Variants in NETO1 observed in about 807,000 individuals in gnomAD.
NETO1 encodes the protein neuropilin and tolloid-like protein 1.
A neutral mutation model predicts 61.3 loss-of-function variants in NETO1; 26 were observed. The ratio of observed to expected loss-of-function variants is 0.42; its 90% CI spans 0.31 to 0.59. NETO1 has a LOEUF of 0.59. NETO1 is among the 20% of genes least tolerant of loss of function. The pLI is 0.12. For missense variants in NETO1, 531 were observed against 662.8 expected, an observed-to-expected ratio of 0.80 and a Z score of 2.18; for synonymous variants, 225 against 225.8, an observed-to-expected ratio of 1.00 and a Z score of 0.03.
chr18:72,812,087 T>TA lies in NETO1; in HGVS notation c.470-17684dup, dbSNP rs142501123. Among the ~76,000 whole-genome samples, 302 of 152,306 alleles carry TA rather than the reference T, an allele frequency of 2.0e-3. 2 individuals are homozygous for TA. Among genetic ancestry groups the TA allele is most frequent in the East Asian group, 0.013 (67 of 5,182 alleles). On this transcript the variant is annotated intron_variant, in intron 4 of 10. Coordinates refer to ENST00000327305, the MANE Select transcript of NETO1 (RefSeq NM_138966.5). The stretch of plus-strand genomic sequence containing the variant: ...ATCTTCATTGAGGAACAACTGTGGG[T>TA]AAAACTTCCCTACATTCACTGTATG...
chr18:72,766,840 T>C (rs2071182193), intron 7 of NETO1, among the ~76,000 whole-genome samples: 1 of 152,242 alleles, frequency 6.6e-6, no homozygotes, highest in Non-Finnish European at 1.5e-5. Context: ...AATGTATCCA[T>C]TATTTTATCT....
chr18:72,853,589 C>T (rs1351408721), intron 4 of NETO1, among the ~76,000 whole-genome samples: 1 of 151,928 alleles, frequency 6.6e-6, no homozygotes, highest in East Asian at 1.9e-4. Flanking sequence ...GAAATCCCAT[C>T]TCTACCAAAA....
At chr18:72,758,537 GTTAAGAAGCA>G in intron 7 of NETO1, among the ~76,000 whole-genome samples, 1 of 152,148 alleles carries the variant, frequency 6.6e-6, no homozygotes, top group East Asian at 1.9e-4. Flanking sequence ...TCCTGATATG[GTTAAGAAGCA>G]ATGTAGAGGC....
Position 72,756,128 on chromosome 18 carries a change from T to C in NETO1, c.888A>G (p.Thr296=). 6.2e-7 allele frequency: 1 copy of C among 1,601,222 alleles called. No individual in the cohort carries two copies. Among genetic ancestry groups the C allele is most frequent in the Non-Finnish European group, 8.5e-7 (1 of 1,169,686 alleles). Residue 296 remains threonine, a synonymous_variant, in exon 8 of 11, where the codon ACA becomes ACG. Transcript: ENST00000327305. The stretch of plus-strand genomic sequence containing the variant: ...TACACATGTTACTATGGCAGAAGAA[T>C]GTGTTGCCTTCACAAGGAGCTAAAA... ...SFQEPPCEGN[T]FFCHSNMCIN...
chr18:72,849,658 T>C (rs1318903607), intron 4 of NETO1, among the ~76,000 whole-genome samples: 1 of 152,244 alleles, frequency 6.6e-6, no homozygotes, highest in East Asian at 1.9e-4. Context: ...TAAAATCAAG[T>C]ATTTGTTTCT....
chr18:72,801,656 T>C (rs924363512), intron 4 of NETO1, among the ~76,000 whole-genome samples: 1 of 152,218 alleles, frequency 6.6e-6, no homozygotes, highest in Non-Finnish European at 1.5e-5. Flanking sequence ...TTCTTAAACT[T>C]CAAAATGTTT....
intron 8 of NETO1, 145 bp from the exon 9 acceptor site, chr18:72,750,765 G>A: frequency 3.8e-5 from 21 of 553,036 alleles, no homozygotes; most frequent in South Asian, 2.0e-4. Context: ...AATAACTTAA[G>A]AAAATATTTA....
At position 72,832,537 on chromosome 18, in the gene NETO1, C is replaced by T. The variant is rs139393556; in HGVS notation, c.469+26289G>A. Among the ~76,000 whole-genome samples the T allele has an allele frequency of 1.7e-3, 265 of 152,192 alleles. 1 individual carries two copies. The highest frequency in any genetic ancestry group is 1.5e-3 in the Non-Finnish European group (101 of 67,982). On this transcript the variant is annotated intron_variant, in intron 4 of 10. Coordinates refer to ENST00000327305, the MANE Select transcript of NETO1 (RefSeq NM_138966.5). ...TAGTCCTCTTTAGATTTTATTAACC[C>T]ATACATTGCAATAAGCAGATCTTAC...
chr18:72,761,296 G>A (rs2070964195), intron 7 of NETO1, among the ~76,000 whole-genome samples: 1 of 152,166 alleles, frequency 6.6e-6, no homozygotes, highest in Non-Finnish European at 1.5e-5. Flanking sequence ...GTACCTTGGA[G>A]AATATGCCTT....
At chr18:72,752,946 C>T (rs1015390247) in intron 8 of NETO1, among the ~76,000 whole-genome samples, 1 of 151,532 alleles carries the variant, frequency 6.6e-6, no homozygotes, top group Non-Finnish European at 1.5e-5. Context: ...CAGAGGCATG[C>T]GAATAGTGCA....
At chr18:72,781,228 C>A (rs1006654855) in intron 7 of NETO1, among the ~76,000 whole-genome samples, 17 of 152,174 alleles carry the variant, frequency 1.1e-4, no homozygotes, top group African/African-American at 4.1e-4. Context: ...GCTTGCCCTT[C>A]CAAATTTTTA....
In NETO1 at chr18:72,830,626, T is replaced by C. The variant is rs1481204493; in HGVS notation, c.469+28200A>G. 6.6e-6 allele frequency among the ~76,000 whole-genome samples: 1 copy of C among 152,160 alleles called. No individual in the cohort carries two copies. Among genetic ancestry groups the C allele is most frequent in the Non-Finnish European group, 1.5e-5 (1 of 68,022 alleles). On this transcript the variant is annotated intron_variant, in intron 4 of 10. Coordinates refer to ENST00000327305, the MANE Select transcript of NETO1 (RefSeq NM_138966.5). The surrounding 1 kb of genome is among the most constrained non-coding windows in gnomAD (Gnocchi z 4.9). ...GAGGTAGGATGTGGTGGGGAGGGGA[T>C]GGATTTCTCCAGGTTACAGGCAAAG... is the stretch of plus-strand genomic sequence containing the variant.
intron 4 of NETO1, among the ~76,000 whole-genome samples, chr18:72,808,286 G>C (rs1183898601): frequency 6.6e-6 from 1 of 152,200 alleles, no homozygotes; most frequent in Non-Finnish European, 1.5e-5. Context: ...CTTCTCCTAA[G>C]AACTACATGA....
chr18:72,867,360 CG>C lies in NETO1; in HGVS notation c.-70del, dbSNP rs2074773171. The C allele has an allele frequency of 2.3e-5, 32 of 1,365,108 alleles. No homozygotes were observed. Among genetic ancestry groups the C allele is most frequent in the Admixed American group, 8.6e-5 (4 of 46,444 alleles). The allele number at this position is 1,365,108 out of a possible 1,614,324, so 84.6% of individuals were successfully genotyped here. ...TTAGAGACGGGAAGACTTCCAGTGG[CG>C]GGGGGAGGACAGGGTCGAGAGGTGT... On this transcript the variant is annotated 5_prime_UTR_variant, in exon 1 of 11. Coordinates refer to ENST00000327305, the MANE Select transcript of NETO1 (RefSeq NM_138966.5).
intron 4 of NETO1, chr18:72,853,383 G>C (rs2074314524): frequency 6.6e-6 from 1 of 152,580 alleles, no homozygotes. Flanking sequence ...AAGTACTTTT[G>C]CACCAAGTCA....
At chr18:72,766,915 A>G (rs898729111) in intron 7 of NETO1, among the ~76,000 whole-genome samples, 2 of 152,168 alleles carry the variant, frequency 1.3e-5, no homozygotes, top group Admixed American at 6.6e-5. Context: ...CCCCACAATG[A>G]TCTCTTCAAT....
intron 7 of NETO1, among the ~76,000 whole-genome samples, chr18:72,781,101 T>C (rs12456528): frequency 0.33 from 50,693 of 151,948 alleles, 8,704 homozygotes; most frequent in Admixed American, 0.46. Context: ...TGTTATTGAT[T>C]TTTGAAATAT....
chr18:72,818,182 G>A (rs1476329216), intron 4 of NETO1, among the ~76,000 whole-genome samples: 1 of 152,162 alleles, frequency 6.6e-6, no homozygotes, highest in Admixed American at 6.5e-5. Context: ...TACACATAGA[G>A]TGATAATTGT....
At chr18:72,859,725 C>T (rs2074511969) in intron 3 of NETO1, among the ~76,000 whole-genome samples, 1 of 152,118 alleles carries the variant, frequency 6.6e-6, no homozygotes, top group South Asian at 2.1e-4. Context: ...CATGTCTTGT[C>T]TTCTAAGAAA....
Sources: gnomAD v4.1 joint callset for allele counts (sites outside exome capture counted in the v4.1 genomes callset) on GRCh38, gnomAD v4.1.1 for gene constraint, Gnocchi (gnomAD v3.1) non-coding constraint, MANE v1.5 for transcripts, NCBI Gene and HGNC (gene_info 2026-07-23, HGNC 2026-07-21) for gene names.